DDX24: variants seen among roughly 807,000 people sequenced by gnomAD.
DDX24 encodes ATP-dependent RNA helicase DDX24.
Under a neutral mutation model 68.9 loss-of-function variants are expected in DDX24, and 24 were observed. The ratio of observed to expected loss-of-function variants is 0.35; its 90% CI spans 0.25 to 0.49. DDX24 has a LOEUF of 0.49. Among genes scored for constraint, DDX24 ranks in the 20% least tolerant of loss-of-function variants. The pLI is 0.99. For synonymous variants in DDX24, 395 were observed against 385.2 expected (o/e 1.03, Z -0.30); for missense variants, 989 against 1,039.0 (o/e 0.95, Z 0.66).
In DDX24 at chr14:94,060,532, A is replaced by G; in HGVS notation, c.1479T>C (p.Asn493=). The change falls in exon 5 of 9, where the codon AAT becomes AAC. Residue 493 remains asparagine (N), a synonymous_variant. Coordinates refer to ENST00000621632, the MANE Select transcript of DDX24 (RefSeq NM_020414.4). ...GTCTCTTTGGGTTGTATTGGGAGTCATTGAGCATCTCTAGCAGCTGTGAGA... is the reference window on the plus strand; with the variant it reads ...GTCTCTTTGGGTTGTATTGGGAGTCGTTGAGCATCTCTAGCAGCTGTGAGA... ...AELSQLLEML[N]DSQYNPKRQT... 6.2e-7 allele frequency: 1 copy of G among 1,614,176 alleles called. No homozygotes were observed. Among genetic ancestry groups the G allele is most frequent in the Non-Finnish European group, 8.5e-7 (1 of 1,180,038 alleles).
intron 6 of DDX24, chr14:94,057,014 T>C (rs1885503881): frequency 1.3e-5 from 2 of 152,182 alleles, no homozygotes; most frequent in Admixed American, 6.5e-5. Flanking sequence ...CCAGCTACCA[T>C]TTATTGAGTA....
chr14:94,051,646 C>G (rs1885390614), intron 8 of DDX24, 184 bp from the exon 9 acceptor site: 1 of 642,320 alleles, frequency 1.6e-6, no homozygotes, highest in Admixed American at 3.4e-5. Flanking sequence ...TAACCATTTG[C>G]AGGGGATACA....
At chr14:94,080,073 G>A (rs1209653782) in intron 1 of DDX24, among the ~76,000 whole-genome samples, 1 of 152,226 alleles carries the variant, frequency 6.6e-6, no homozygotes, top group African/African-American at 2.4e-5. Flanking sequence ...AAAAAGGGGG[G>A]AGGGTACCTA....
rs1423064726 is a variant in DDX24, at chr14:94,053,133, G to C, written c.2179-6C>G. 6.2e-6 allele frequency: 10 copies of C among 1,613,884 alleles called. No homozygotes were observed. The highest frequency in any genetic ancestry group is 8.5e-6 in the Non-Finnish European group (10 of 1,180,004). ...CGAGCTAAACGGATTCGCTCCTGGG[G>C]GGAAGTAACAGAAAATATTCATCTG... is the stretch of plus-strand genomic sequence containing the variant. On this transcript the variant is annotated splice_region_variant and splice_polypyrimidine_tract_variant and intron_variant, in intron 7 of 8. Coordinates refer to ENST00000621632, the MANE Select transcript of DDX24 (RefSeq NM_020414.4).
rs760513864 is a variant in DDX24, at chr14:94,062,607, G to T, written c.733C>A (p.Leu245Ile). The T allele has an allele frequency of 6.3e-7, 1 of 1,593,908 alleles. No homozygotes were observed. The highest frequency in any genetic ancestry group is 1.1e-5 in the South Asian group (1 of 87,824). The change falls in exon 3 of 9, where the codon CTT (leucine) becomes ATT (isoleucine). Residue 245 changes from leucine to isoleucine, a missense_variant. By Grantham distance (5) the Leu-to-Ile change is conservative. Coordinates refer to ENST00000621632, the MANE Select transcript of DDX24 (RefSeq NM_020414.4). Reference protein sequence around the residue: ...GAAETGSGKTLAFAIPMIHAV... With the variant: ...GAAETGSGKTIAFAIPMIHAV... ...TGAATCATTGGGATGGCAAAGGCAA[G>T]AGTTTTCCCACTTCCTTAAAAGTAA...
intron 8 of DDX24, 128 bp from the exon 9 acceptor site, chr14:94,051,590 G>T (rs942729324): frequency 6.2e-6 from 8 of 1,289,494 alleles, no homozygotes; most frequent in South Asian, 1.6e-5. Context: ...AAAGTTCTCT[G>T]AAGAAGCTAG....
At chr14:94,063,781 T>C (rs1885642779) in intron 2 of DDX24, among the ~76,000 whole-genome samples, 1 of 152,172 alleles carries the variant, frequency 6.6e-6, no homozygotes, top group African/African-American at 2.4e-5. Context: ...CACACTCCTG[T>C]AGTCTTCGAA....
chr14:94,062,462 G>A lies in DDX24; in HGVS notation c.878C>T (p.Ala293Val), dbSNP rs373390382. ...AETRSPGKAE[A>V]ESDALPDDTV... ...ATCGTCAGGCAATGCATCAGACTCA[G>A]CTTCAGCCTTGCCTGGTGATCTAGT... The change falls in exon 3 of 9, where the codon GCT becomes GTT. Residue 293 changes from alanine to valine, a missense_variant. Physicochemically the swap from Ala to Val is moderately conservative, Grantham distance 64. This residue lies in a region of DDX24 where 691 missense variants were observed against 760.0 expected (regional missense o/e 0.91). Coordinates refer to ENST00000621632, the MANE Select transcript of DDX24 (RefSeq NM_020414.4). 8 of 1,614,046 alleles carry A rather than the reference G, an allele frequency of 5.0e-6. No homozygotes were observed. In the African/African-American group the frequency reaches 8.0e-5, roughly 16 times the overall value.
chr14:94,053,335 G>A (rs1885425296), intron 7 of DDX24: 1 of 400,904 alleles, frequency 2.5e-6, no homozygotes, highest in Non-Finnish European at 4.4e-6. Context: ...CAGCTGGGAG[G>A]CACCACCATG....
chr14:94,076,386 A>G (rs914916674), intron 2 of DDX24, among the ~76,000 whole-genome samples: 4 of 152,182 alleles, frequency 2.6e-5, no homozygotes, highest in Admixed American at 2.6e-4. Context: ...ATAAAATTCT[A>G]GAAAACGCAA....
rs1024615032 is a variant in DDX24 at position 94,079,080 on chromosome 14, C to G, written c.663G>C (p.Leu221=). Residue 221 remains leucine (L), a synonymous_variant, in exon 2 of 9, where the codon CTG becomes CTC. Transcript: ENST00000621632. ...TGTCACGGATGGCAGGTGCCAAGGT[C>G]AGGGCTTGGATTGGTGTGGGTGCAG... ...GFSAPTPIQA[L]TLAPAIRDKL... is the part of the protein sequence containing the mutation. 9 of 1,614,036 alleles carry G rather than the reference C, an allele frequency of 5.6e-6. No homozygotes were observed. Among genetic ancestry groups the G allele is most frequent in the Non-Finnish European group, 6.8e-6 (8 of 1,180,038 alleles).
intron 5 of DDX24, 24 bp downstream of exon 5, chr14:94,060,074 C>G (rs746965214): frequency 6.3e-7 from 1 of 1,588,202 alleles, no homozygotes; most frequent in Admixed American, 1.7e-5. Flanking sequence ...AGAGGTTAAG[C>G]CTCTGGGGAC....
intron 2 of DDX24, among the ~76,000 whole-genome samples, chr14:94,073,083 TTTC>T (rs1327087256): frequency 1.5e-5 from 2 of 130,640 alleles, no homozygotes; most frequent in Non-Finnish European, 1.5e-5. Flanking sequence ...TTAATTTTCT[TTTC>T]TTTTTTTTTT....
In DDX24 at chr14:94,055,088, C is replaced by T. The variant is rs770885223; in HGVS notation, c.2086G>A (p.Val696Met). Reference protein sequence around the residue: ...LSLMLIGPEDVINFKKIYKTL... With the variant: ...LSLMLIGPEDMINFKKIYKTL... Reference sequence around the variant, plus strand: ...TTGTAAATCTTCTTAAAGTTGATCACATCCTCAGGCCCAATGAGCATCAGA... The same window carrying T: ...TTGTAAATCTTCTTAAAGTTGATCATATCCTCAGGCCCAATGAGCATCAGA... The change falls in exon 7 of 9, where the codon GTG (valine) becomes ATG (methionine). Residue 696 changes from valine (V) to methionine (M), a missense_variant. Physicochemically the swap from Val to Met is conservative, Grantham distance 21. Around this residue, in one of 3 missense-constraint regions of DDX24, gnomAD observed 691 missense variants for 760.0 expected, o/e 0.91. Transcript: ENST00000621632. The T allele has an allele frequency of 3.7e-6, 6 of 1,614,224 alleles. No individual in the cohort carries two copies. In the South Asian group the frequency reaches 5.5e-5, roughly 15 times the overall value.
intron 1 of DDX24, 62 bp from the exon 2 acceptor site, chr14:94,079,809 C>T: frequency 1.4e-6 from 2 of 1,472,310 alleles, no homozygotes; most frequent in East Asian, 4.5e-5. Flanking sequence ...TCTGATGTAA[C>T]AAATATTTTC....
At position 94,080,137 on chromosome 14, in the gene DDX24, G is replaced by C. The variant is rs917436169; in HGVS notation, c.-5-390C>G. ...AATAAAGAAAATTATGTAAAGCACG[G>C]AGGATGAAACCTGCCACACCTAAGT... On this transcript the variant is annotated intron_variant, in intron 1 of 8. Transcript: ENST00000621632. Among the ~76,000 whole-genome samples the C allele has an allele frequency of 3.9e-5, 6 of 152,202 alleles. No individual in the cohort carries two copies. In the South Asian group the frequency reaches 1.2e-3, roughly 31 times the overall value.
chr14:94,054,891 T>C (rs1418129504), intron 7 of DDX24, 105 bp downstream of exon 7: 5 of 1,277,532 alleles, frequency 3.9e-6, no homozygotes, highest in Non-Finnish European at 2.2e-6. Flanking sequence ...GGCAGAACCA[T>C]TCCTTAGTTT....
At chr14:94,051,621 T>A in intron 8 of DDX24, 159 bp from the exon 9 acceptor site, 1 of 860,946 alleles carries the variant, frequency 1.2e-6, no homozygotes, top group Non-Finnish European at 1.7e-6. Context: ...GCAGGGGCTG[T>A]AAATGGATAA....
At chr14:94,073,790 T>A (rs1485443023) in intron 2 of DDX24, among the ~76,000 whole-genome samples, 1 of 152,060 alleles carries the variant, frequency 6.6e-6, no homozygotes, top group South Asian at 2.1e-4. Flanking sequence ...ATGCTTGTAA[T>A]CCCAGAACTT....
Sources: gnomAD v4.1 joint callset for allele counts (sites outside exome capture counted in the v4.1 genomes callset) on GRCh38, gnomAD v4.1.1 for gene constraint, gnomAD v4.1.1 regional missense constraint, MANE v1.5 for transcripts, NCBI Gene and HGNC (gene_info 2026-07-23, HGNC 2026-07-21) for gene names.